The following CNTNAP2 variants were observed in gnomAD, a reference collection of about 807,000 sequenced individuals.
CNTNAP2 encodes the protein contactin-associated protein-like 2.
CNTNAP2 carries 98 observed loss-of-function variants against 155.2 expected under a neutral mutation model. The observed-to-expected ratio is 0.63, with a 90% CI of 0.54 to 0.75. CNTNAP2 has a LOEUF of 0.75. Ranked by LOEUF, CNTNAP2 falls within the 30% of genes least tolerant of loss-of-function variation. CNTNAP2 has a pLI of 0.00. For missense variants in CNTNAP2, 1,727 were observed against 1,688.1 expected (o/e 1.02, Z -0.40); for synonymous variants, 651 against 631.2 (o/e 1.03, Z -0.47).
rs77685107 is a variant in CNTNAP2 at position 146,695,010 on chromosome 7, A to G, written c.98-79261A>G. Reference sequence around the variant, plus strand: ...TTGTTGATTCTTTGGAATTTTCTACATAGGTAATCATGACATTTGCATACT... The same window carrying G: ...TTGTTGATTCTTTGGAATTTTCTACGTAGGTAATCATGACATTTGCATACT... On this transcript the variant is annotated intron_variant, in intron 1 of 23. Coordinates refer to ENST00000361727, the MANE Select transcript of CNTNAP2 (RefSeq NM_014141.6). Among the ~76,000 whole-genome samples the G allele has an allele frequency of 9.6e-3, 1,455 of 152,296 alleles. 17 individuals carry two copies. The highest frequency in any genetic ancestry group is 0.034 in the African/African-American group (1,398 of 41,566).
At chr7:147,258,360 A>G (rs989638829) in intron 8 of CNTNAP2, among the ~76,000 whole-genome samples, 7 of 152,192 alleles carry the variant, frequency 4.6e-5, no homozygotes, top group African/African-American at 1.7e-4. Flanking sequence ...CATTAGGAGC[A>G]TTCAATATCT....
At chr7:147,490,042 G>C (rs1215678544) in intron 11 of CNTNAP2, among the ~76,000 whole-genome samples, 1 of 152,178 alleles carries the variant, frequency 6.6e-6, no homozygotes, top group African/African-American at 2.4e-5. Context: ...TAGTATTTTA[G>C]TGTTCGACAA....
At chr7:148,329,839 C>T (rs1388830868) in intron 21 of CNTNAP2, among the ~76,000 whole-genome samples, 2 of 151,966 alleles carry the variant, frequency 1.3e-5, no homozygotes, top group South Asian at 2.1e-4. Flanking sequence ...TATCTCTTCA[C>T]CCTCGAAGCT....
intron 12 of CNTNAP2, among the ~76,000 whole-genome samples, chr7:147,611,299 G>A (rs186662563): frequency 3.2e-4 from 49 of 152,212 alleles, no homozygotes; most frequent in African/African-American, 1.1e-3. Flanking sequence ...TGCTACACAG[G>A]TTAGAAGACT....
Position 147,705,857 on chromosome 7 carries a change from A to C in CNTNAP2, c.2098+66551A>C, listed in dbSNP as rs181484988. On this transcript the variant is annotated intron_variant, in intron 13 of 23. Coordinates refer to ENST00000361727, the MANE Select transcript of CNTNAP2 (RefSeq NM_014141.6). The stretch of plus-strand genomic sequence containing the variant: ...TGACTTAAAGTCTGTGTTTTCTCAT[A>C]CAAGTTTAGCTATTCCGTTTGTTTG... 3.9e-5 allele frequency among the ~76,000 whole-genome samples: 6 copies of C among 152,162 alleles called. No individual in the cohort carries two copies. In the East Asian group the frequency reaches 1.2e-3, roughly 29 times the overall value.
At chr7:146,735,174 A>G (rs1221041082) in intron 1 of CNTNAP2, among the ~76,000 whole-genome samples, 1 of 152,188 alleles carries the variant, frequency 6.6e-6, no homozygotes, top group Non-Finnish European at 1.5e-5. Flanking sequence ...TTGTAATTTT[A>G]CCATTCAGTG....
Position 147,503,941 on chromosome 7 carries a change from T to C in CNTNAP2, c.1777+17900T>C, listed in dbSNP as rs562996671. On this transcript the variant is annotated intron_variant, in intron 11 of 23. Transcript: ENST00000361727. The stretch of plus-strand genomic sequence containing the variant: ...AAGGGAGAGGAGAGTATGTTAGGTA[T>C]TGAATTTTCATTCTTCAAAATTGCA... Among the ~76,000 whole-genome samples, 15 of 152,354 alleles carry C rather than the reference T, an allele frequency of 9.8e-5. 1 individual carries two copies. In the South Asian group the frequency reaches 2.7e-3, roughly 27 times the overall value.
At chr7:148,414,641 T>G (rs1207517542) in intron 23 of CNTNAP2, 1 of 152,362 alleles carries the variant, frequency 6.6e-6, no homozygotes, top group Non-Finnish European at 1.5e-5. Context: ...CTACATTTTT[T>G]TTCTCTGAAT....
intron 13 of CNTNAP2, among the ~76,000 whole-genome samples, chr7:147,762,987 G>A (rs12533614): frequency 0.011 from 1,677 of 152,192 alleles, 99 homozygotes; most frequent in Admixed American, 0.088. Flanking sequence ...GGCTGGGTGC[G>A]ATGGCTCATG....
intron 1 of CNTNAP2, among the ~76,000 whole-genome samples, chr7:146,550,029 C>T (rs892056742): frequency 7.2e-5 from 11 of 152,032 alleles, no homozygotes; most frequent in East Asian, 1.9e-4. Context: ...AAAAGAAAAG[C>T]GTGGAACCTA....
intron 1 of CNTNAP2, among the ~76,000 whole-genome samples, chr7:146,504,425 G>A (rs7779208): frequency 0.014 from 2,116 of 152,302 alleles, 18 homozygotes; most frequent in Non-Finnish European, 0.022. Flanking sequence ...CAGGGATGAA[G>A]GTACAACATT....
At chr7:147,859,776 G>T in intron 13 of CNTNAP2, among the ~76,000 whole-genome samples, 1 of 152,206 alleles carries the variant, frequency 6.6e-6, no homozygotes, top group Non-Finnish European at 1.5e-5. Flanking sequence ...ATTTACAAAA[G>T]TAAAAGAAAT....
At chr7:147,888,810 A>G (rs1384482354) in intron 13 of CNTNAP2, among the ~76,000 whole-genome samples, 2 of 112,566 alleles carry the variant, frequency 1.8e-5, no homozygotes, top group Non-Finnish European at 4.0e-5. Flanking sequence ...TTTTTAGGAC[A>G]AAATAATGAT....
intron 3 of CNTNAP2, among the ~76,000 whole-genome samples, chr7:146,856,975 A>C (rs932786346): frequency 2.6e-5 from 4 of 152,160 alleles, no homozygotes; most frequent in Non-Finnish European, 4.4e-5. Flanking sequence ...CTTGGATAAG[A>C]AAAGATGCCC....
At chr7:147,740,365 A>T (rs191041265) in intron 13 of CNTNAP2, among the ~76,000 whole-genome samples, 1 of 152,316 alleles carries the variant, frequency 6.6e-6, no homozygotes, top group Non-Finnish European at 1.5e-5. Flanking sequence ...GTAAAAATAG[A>T]TGTTTAGGTA....
At chr7:146,119,995 A>G (rs1797539463) in intron 1 of CNTNAP2, among the ~76,000 whole-genome samples, 1 of 151,898 alleles carries the variant, frequency 6.6e-6, no homozygotes, top group South Asian at 2.1e-4. Context: ...ATATGTAAAA[A>G]TGTGTATATT....
intron 1 of CNTNAP2, among the ~76,000 whole-genome samples, chr7:146,721,304 TATTCTATATATATTCTATATATAC>T (rs1563203387): frequency 3.8e-5 from 4 of 105,610 alleles, no homozygotes; most frequent in African/African-American, 1.2e-4. Context: ...TCTATATATG[TATTCTATATATATTCTATATATAC>T]ATTCTATATA....
intron 4 of CNTNAP2, among the ~76,000 whole-genome samples, chr7:147,084,643 C>T (rs977758339): frequency 1.4e-5 from 2 of 145,008 alleles, no homozygotes; most frequent in Non-Finnish European, 3.0e-5. Context: ...TACATGTATA[C>T]GTTATACCAT....
intron 16 of CNTNAP2, among the ~76,000 whole-genome samples, chr7:148,126,112 C>T (rs1804712321): frequency 6.6e-6 from 1 of 151,980 alleles, no homozygotes; most frequent in African/African-American, 2.4e-5. Flanking sequence ...AGAAAAGTTT[C>T]CTTGAAGATG....
Sources: allele counts gnomAD v4.1 joint callset (sites outside exome capture counted in the v4.1 genomes callset), GRCh38; gene constraint gnomAD v4.1.1; transcripts MANE v1.5; gene names NCBI Gene and HGNC (gene_info 2026-07-23, HGNC 2026-07-21).